The following BTN3A2 variants were observed in gnomAD, a reference collection of about 807,000 sequenced individuals.
BTN3A2 encodes the protein butyrophilin subfamily 3 member A2, also known as butyrophilin protein.
In BTN3A2, 25 loss-of-function variants were observed where a neutral mutation model predicts 37.6. That is an observed-to-expected ratio of 0.66 (90% confidence interval 0.48 to 0.93). The LOEUF (loss-of-function observed/expected upper bound fraction) is 0.93, where lower values mean the gene tolerates loss of function less well. Ranked by LOEUF, BTN3A2 falls within the 40% of genes least tolerant of loss-of-function variation. The pLI, the probability that BTN3A2 is intolerant of heterozygous loss-of-function variation, is 0.00. For synonymous variants in BTN3A2, 122 were observed against 159.4 expected, an observed-to-expected ratio of 0.77 and a Z score of 1.77; for missense variants, 266 against 410.9, an observed-to-expected ratio of 0.65 and a Z score of 3.05.
Position 26,377,019 on chromosome 6 carries a change from G to A in BTN3A2, c.*1257G>A, listed in dbSNP as rs536220251. ...ATCTCATATCTACACATTTCTGCAC[G>A]CCTCTTCCTCTGAGCCTCTGTATCC... On this transcript the variant is annotated 3_prime_UTR_variant, in exon 11 of 11. Transcript: ENST00000377708. 1.8e-5 allele frequency: 26 copies of A among 1,415,668 alleles called. No homozygotes were observed. The highest frequency in any genetic ancestry group is 9.3e-5 in the South Asian group (8 of 85,862). 87.7% of individuals were successfully genotyped at this position (1,415,668 alleles called of 1,614,324 possible). A position where few individuals can be genotyped will look rare whatever the true frequency, so the allele number is the denominator to read the frequency against.
In BTN3A2 at chr6:26,370,382, A is replaced by C. The variant is rs201001724; in HGVS notation, c.494A>C (p.Glu165Ala). The C allele has an allele frequency of 8.7e-6, 14 of 1,614,036 alleles. No homozygotes were observed. The African/African-American group carries it at 1.7e-4, about 20-fold the overall frequency. Residue 165 changes from glutamate to alanine, a missense_variant, in exon 5 of 11, where the codon GAG becomes GCG. Physicochemically the swap from Glu to Ala is moderately radical, Grantham distance 107 (BLOSUM62 -1). Coordinates refer to ENST00000377708, the MANE Select transcript of BTN3A2 (RefSeq NM_007047.5). ...TATGAGGATGGAGGGATCCATCTGGAGTGCAGGTCCACCGGCTGGTACCCC... is the reference window on the plus strand; with the variant it reads ...TATGAGGATGGAGGGATCCATCTGGCGTGCAGGTCCACCGGCTGGTACCCC... ...KGYEDGGIHL[E>A]CRSTGWYPQP...
In BTN3A2 at chr6:26,377,309, T is replaced by C; in HGVS notation, c.*1547T>C. On this transcript the variant is annotated 3_prime_UTR_variant, in exon 11 of 11. Transcript: ENST00000377708. The stretch of plus-strand genomic sequence containing the variant: ...GGCACACACTGAAGCACTTTACTGA[T>C]ATTCATTCAATTATTCCATAGGACA... 1.4e-6 allele frequency: 1 copy of C among 716,774 alleles called. No homozygotes were observed. The highest frequency in any genetic ancestry group is 2.5e-6 in the Non-Finnish European group (1 of 404,824). The allele number at this position is 716,774 out of a possible 1,614,324, so 44.4% of individuals were successfully genotyped here.
Position 26,376,830 on chromosome 6 carries a change from A to T in BTN3A2, c.*1068A>T. The stretch of plus-strand genomic sequence containing the variant: ...GAGGAAAAAAGTTTGGGTCAAAATG[A>T]CACCGGAGAACGGATACTGGACTAT... On this transcript the variant is annotated 3_prime_UTR_variant, in exon 11 of 11. Coordinates refer to ENST00000377708, the MANE Select transcript of BTN3A2 (RefSeq NM_007047.5). The T allele has an allele frequency of 6.2e-7, 1 of 1,613,994 alleles. No individual in the cohort carries two copies. Among genetic ancestry groups the T allele is most frequent in the Non-Finnish European group, 8.5e-7 (1 of 1,179,958 alleles).
intron 5 of BTN3A2, among the ~76,000 whole-genome samples, chr6:26,371,753 G>A (rs56380525): frequency 0.17 from 26,390 of 151,626 alleles, 2,698 homozygotes; most frequent in African/African-American, 0.28. Flanking sequence ...ATCTCAGCTC[G>A]CTGCAGCCTC....
Position 26,373,093 on chromosome 6 carries a change from A to G in BTN3A2, c.912A>G (p.Leu304=). 1.2e-6 allele frequency: 2 copies of G among 1,613,750 alleles called. No individual in the cohort carries two copies. The highest frequency in any genetic ancestry group is 1.7e-6 in the Non-Finnish European group (2 of 1,180,030). Residue 304 remains leucine (L), a synonymous_variant, in exon 6 of 11, where the codon CTA becomes CTG. Transcript: ENST00000377708. ...GYAATEREIS[L]RESLQEELKR... ...CTGCAACAGAGCGGGAAATAAGCCTAAGAGGTATCCAACGCAAGCAGAGAA... is the reference window on the plus strand; with the variant it reads ...CTGCAACAGAGCGGGAAATAAGCCTGAGAGGTATCCAACGCAAGCAGAGAA...
chr6:26,373,074 CAG>C lies in BTN3A2; in HGVS notation c.896_897del (p.Glu299AlafsTer33), dbSNP rs1443098696. ...ATGAAAGAAATGGGATATGCTGCAA[CAG>C]AGCGGGAAATAAGCCTAAGAGGTAT... On this transcript the variant is annotated frameshift_variant, in exon 6 of 11. Transcript: ENST00000377708. LOFTEE classifies it high-confidence loss of function. 6.2e-7 allele frequency: 1 copy of C among 1,614,120 alleles called. No individual in the cohort carries two copies. The highest frequency in any genetic ancestry group is 8.5e-7 in the Non-Finnish European group (1 of 1,180,042).
chr6:26,374,295 C>T lies in BTN3A2; in HGVS notation c.965-32C>T, dbSNP rs779932396. 13 of 1,511,238 alleles carry T rather than the reference C, an allele frequency of 8.6e-6. No homozygotes were observed. The South Asian group carries it at 1.5e-4, about 17-fold the overall frequency. The allele number at this position is 1,511,238 out of a possible 1,614,324, so 93.6% of individuals were successfully genotyped here. A position where few individuals can be genotyped will look rare whatever the true frequency, so the allele number is the denominator to read the frequency against. On this transcript the variant is annotated intron_variant, in intron 8 of 10. Transcript: ENST00000377708. ...GGGCCAACACAGAAAAGGCAGAGTT[C>T]TGGTGACACCTCTACCTTTCTTTCA...
intron 1 of BTN3A2, among the ~76,000 whole-genome samples, chr6:26,366,688 G>T (rs1335616308): frequency 6.6e-6 from 1 of 152,128 alleles, no homozygotes; most frequent in Non-Finnish European, 1.5e-5. Context: ...TCCAGGCAGG[G>T]GTGGAGCATG....
rs763688274 is a variant in BTN3A2, at chr6:26,370,376, A to T, written c.488A>T (p.His163Leu). ...EVKGYEDGGI[H>L]LECRSTGWYP... is the part of the protein sequence containing the mutation. The stretch of plus-strand genomic sequence containing the variant: ...AAGGGTTATGAGGATGGAGGGATCC[A>T]TCTGGAGTGCAGGTCCACCGGCTGG... The change falls in exon 5 of 11, where the codon CAT (histidine) becomes CTT (leucine). Residue 163 changes from histidine to leucine, a missense_variant. Physicochemically the swap from His to Leu is moderately conservative, Grantham distance 99 (BLOSUM62 -3). Transcript: ENST00000377708. 4 of 1,614,214 alleles carry T rather than the reference A, an allele frequency of 2.5e-6. No homozygotes were observed. The Admixed American group carries it at 6.7e-5, about 27-fold the overall frequency.
Position 26,368,194 on chromosome 6 carries a change from A to G in BTN3A2, c.12A>G (p.Ala4=). 1 of 1,614,136 alleles carries G rather than the reference A, an allele frequency of 6.2e-7. No individual in the cohort carries two copies. The highest frequency in any genetic ancestry group is 8.5e-7 in the Non-Finnish European group (1 of 1,180,014). ...GATATGCAGCATAGATGAAAATGGC[A>G]AGTTCCCTGGCTTTCCTTCTGCTCA... is the stretch of plus-strand genomic sequence containing the variant. The part of the protein sequence containing the change: MKM[A]SSLAFLLLNF... The change falls in exon 3 of 11, where the codon GCA becomes GCG. Residue 4 remains alanine, a synonymous_variant. Transcript: ENST00000377708.
intron 5 of BTN3A2, among the ~76,000 whole-genome samples, chr6:26,372,073 GCA>G (rs1760172568): frequency 1.3e-5 from 2 of 152,116 alleles, no homozygotes; most frequent in Non-Finnish European, 2.9e-5. Context: ...AGGGAATACT[GCA>G]CAGTTTGTAA....
chr6:26,376,629 C>A lies in BTN3A2; in HGVS notation c.*867C>A. The A allele has an allele frequency of 6.8e-7, 1 of 1,464,010 alleles. No homozygotes were observed. Among genetic ancestry groups the A allele is most frequent in the Non-Finnish European group, 9.5e-7 (1 of 1,050,826 alleles). 90.7% of individuals were successfully genotyped at this position (1,464,010 alleles called of 1,614,324 possible). The stretch of plus-strand genomic sequence containing the variant: ...TGCCATCCTCCTTGTTTCTGAGGAC[C>A]AGAGGAGTGTACAGCGTGCTGAGGA... On this transcript the variant is annotated 3_prime_UTR_variant, in exon 11 of 11. Transcript: ENST00000377708.
chr6:26,366,733 C>G (rs1762099357), intron 1 of BTN3A2, among the ~76,000 whole-genome samples: 1 of 152,160 alleles, frequency 6.6e-6, no homozygotes, highest in Non-Finnish European at 1.5e-5. Context: ...CTTGCTTCCT[C>G]TACATCTCTC....
intron 3 of BTN3A2, 67 bp downstream of exon 3, chr6:26,368,334 T>C: frequency 4.4e-6 from 7 of 1,573,770 alleles, no homozygotes; most frequent in Non-Finnish European, 6.1e-6. Flanking sequence ...ATTACCTAAT[T>C]AAGCAGACAA....
At position 26,377,425 on chromosome 6, in the gene BTN3A2, A is replaced by C. The variant is rs1397009262; in HGVS notation, c.*1663A>C. On this transcript the variant is annotated 3_prime_UTR_variant, in exon 11 of 11. Transcript: ENST00000377708. The stretch of plus-strand genomic sequence containing the variant: ...AGTGTATTGACTTTACAAAGCAGAC[A>C]GGAATAGTGAACAACAGAGCTGGGA... The C allele has an allele frequency of 4.3e-6, 2 of 468,730 alleles. No individual in the cohort carries two copies. The highest frequency in any genetic ancestry group is 7.8e-6 in the Non-Finnish European group (2 of 255,056). 29.0% of individuals were successfully genotyped at this position (468,730 alleles called of 1,614,324 possible).
At position 26,365,353 on chromosome 6, in the gene BTN3A2, G is replaced by T; in HGVS notation, c.-67+1G>T. 6.5e-7 allele frequency: 1 copy of T among 1,536,164 alleles called. No individual in the cohort carries two copies. Among genetic ancestry groups the T allele is most frequent in the Non-Finnish European group, 8.7e-7 (1 of 1,146,866 alleles). ...GATTCTCCAATGGGAATACCAAGGG[G>T]TAAGTGCAGGAAATTGATTAGAGCC... On this transcript the variant is annotated splice_donor_variant, in intron 1 of 10. Coordinates refer to ENST00000377708, the MANE Select transcript of BTN3A2 (RefSeq NM_007047.5). LOFTEE classifies it low-confidence loss of function (5UTR_SPLICE).
intron 5 of BTN3A2, 79 bp from the exon 6 acceptor site, chr6:26,372,818 G>A: frequency 1.9e-6 from 3 of 1,552,936 alleles, no homozygotes; most frequent in Non-Finnish European, 2.6e-6. Flanking sequence ...CCTGAGCTGA[G>A]CAGCTAAAGC....
intron 9 of BTN3A2, 112 bp downstream of exon 9, chr6:26,374,485 G>T: frequency 8.2e-7 from 1 of 1,221,620 alleles, no homozygotes; most frequent in Non-Finnish European, 1.2e-6. Context: ...ATTTCTGTGT[G>T]GTGGGGGTTC....
rs111392726 is a variant in BTN3A2, at chr6:26,373,080, G to A, written c.899G>A (p.Arg300Gln). 1.3e-4 allele frequency: 204 copies of A among 1,613,954 alleles called. No individual in the cohort carries two copies. Among genetic ancestry groups the A allele is most frequent in the Non-Finnish European group, 1.5e-4 (182 of 1,180,036 alleles). ...MKEMGYAATEREISLRESLQE... is the reference protein window; with the variant it reads ...MKEMGYAATEQEISLRESLQE... ...GAAATGGGATATGCTGCAACAGAGC[G>A]GGAAATAAGCCTAAGAGGTATCCAA... The change falls in exon 6 of 11, where the codon CGG becomes CAG. Residue 300 changes from arginine (R) to glutamine (Q), a missense_variant. Arg to Gln is a conservative substitution (Grantham distance 43, BLOSUM62 1). Coordinates refer to ENST00000377708, the MANE Select transcript of BTN3A2 (RefSeq NM_007047.5).
Sources: gnomAD v4.1 joint callset for allele counts (sites outside exome capture counted in the v4.1 genomes callset) on GRCh38, gnomAD v4.1.1 for gene constraint, MANE v1.5 for transcripts, NCBI Gene and HGNC (gene_info 2026-07-23, HGNC 2026-07-21) for gene names.